Variants in FRRS1L observed in about 807,000 individuals in gnomAD.
FRRS1L encodes ferric chelate reductase 1 like.
A neutral mutation model predicts 28.6 loss-of-function variants in FRRS1L; 22 were observed. The ratio of observed to expected loss-of-function variants is 0.77; its 90% CI spans 0.55 to 1.10. The LOEUF (loss-of-function observed/expected upper bound fraction) is 1.10, where lower values mean the gene tolerates loss of function less well. Among genes scored for constraint, FRRS1L ranks in the 50% least tolerant of loss-of-function variants. The probability of loss-of-function intolerance (pLI) is 0.00; values close to 1 mark genes in which losing one functional copy is unlikely to be tolerated. For synonymous variants in FRRS1L, 158 were observed against 151.4 expected, an observed-to-expected ratio of 1.04 and a Z score of -0.32; for missense variants, 380 against 386.9, an observed-to-expected ratio of 0.98 and a Z score of 0.15.
intron 1 of FRRS1L, 136 bp from the exon 2 acceptor site, chr9:109,149,856 G>A (rs745887447): frequency 1.5e-6 from 1 of 652,708 alleles, no homozygotes; most frequent in Non-Finnish European, 2.7e-6. Flanking sequence ...CTTTGATGAA[G>A]GCTAATCATC....
chr9:109,143,130 C>G (rs144498161), intron 3 of FRRS1L, among the ~76,000 whole-genome samples: 183 of 152,138 alleles, frequency 1.2e-3, no homozygotes, highest in African/African-American at 4.2e-3. Flanking sequence ...GCCTGGCCAA[C>G]ATGGTGAAAC....
chr9:109,148,857 T>C (rs1168978469), intron 2 of FRRS1L, among the ~76,000 whole-genome samples: 1 of 151,266 alleles, frequency 6.6e-6, no homozygotes, highest in African/African-American at 2.4e-5. Flanking sequence ...AAGAACATTT[T>C]TGGCTATTTT....
At chr9:109,160,599 G>C (rs1831469069) in intron 1 of FRRS1L, among the ~76,000 whole-genome samples, 1 of 151,796 alleles carries the variant, frequency 6.6e-6, no homozygotes, top group South Asian at 2.1e-4. Flanking sequence ...TCTTGCCCAA[G>C]CTGATCTCAA....
Position 109,141,408 on chromosome 9 carries a change from T to C in FRRS1L, c.644A>G (p.Asp215Gly). ...RFKRPVNVPR[D>G]ETIVDLHLSW... ...CAAATGCAGATCAACAATTGTTTCA[T>C]CTCTGGGAACATTCACAGGGCGTTT... Residue 215 changes from aspartate (D) to glycine (G), a missense_variant, in exon 4 of 5, where the codon GAT (aspartate) becomes GGT (glycine). Coordinates refer to ENST00000561981, the MANE Select transcript of FRRS1L (RefSeq NM_014334.4). The C allele has an allele frequency of 6.2e-7, 1 of 1,614,114 alleles. No homozygotes were observed. The highest frequency in any genetic ancestry group is 8.5e-7 in the Non-Finnish European group (1 of 1,179,970).
Position 109,131,190 on chromosome 9 carries a change from T to C in FRRS1L, c.*6265A>G, listed in dbSNP as rs1183122113. On this transcript the variant is annotated 3_prime_UTR_variant, in exon 5 of 5. Coordinates refer to ENST00000561981, the MANE Select transcript of FRRS1L (RefSeq NM_014334.4). ...TAATTAAATACAAAACCTGTATAGGTTGCATCAACATGCCAGTTACTCAGC... is the reference window on the plus strand; with the variant it reads ...TAATTAAATACAAAACCTGTATAGGCTGCATCAACATGCCAGTTACTCAGC... 6.6e-6 allele frequency: 1 copy of C among 152,250 alleles called. No homozygotes were observed. The highest frequency in any genetic ancestry group is 2.4e-5 in the African/African-American group (1 of 41,470). The allele number at this position is 152,250 out of a possible 1,614,324, so 9.4% of individuals were successfully genotyped here. A position where few individuals can be genotyped will look rare whatever the true frequency, so the allele number is the denominator to read the frequency against.
chr9:109,137,174 A>G lies in FRRS1L; in HGVS notation c.*281T>C, dbSNP rs79316984. 4,029 of 192,614 alleles carry G rather than the reference A, an allele frequency of 0.021. 170 individuals carry two copies. The highest frequency in any genetic ancestry group is 0.089 in the African/African-American group (3,834 of 43,198). The allele number at this position is 192,614 out of a possible 1,614,324, so 11.9% of individuals were successfully genotyped here. A position where few individuals can be genotyped will look rare whatever the true frequency, so the allele number is the denominator to read the frequency against. On this transcript the variant is annotated 3_prime_UTR_variant, in exon 5 of 5. Coordinates refer to ENST00000561981, the MANE Select transcript of FRRS1L (RefSeq NM_014334.4). Reference sequence around the variant, plus strand: ...TCCCATTCAGGAAGATGGCAATCACAATTTTCATCAATCCAACTCAGAGAT... The same window carrying G: ...TCCCATTCAGGAAGATGGCAATCACGATTTTCATCAATCCAACTCAGAGAT...
intron 2 of FRRS1L, among the ~76,000 whole-genome samples, chr9:109,148,809 A>G (rs1831294276): frequency 6.6e-6 from 1 of 152,182 alleles, no homozygotes; most frequent in African/African-American, 2.4e-5. Context: ...ATATCCCCCA[A>G]TCACCAGGTT....
chr9:109,166,908 C>G lies in FRRS1L; in HGVS notation c.231G>C (p.Ser77=), dbSNP rs746319183. 6.6e-6 allele frequency: 9 copies of G among 1,357,478 alleles called. No homozygotes were observed. The highest frequency in any genetic ancestry group is 1.8e-5 in the South Asian group (1 of 55,728). 84.1% of individuals were successfully genotyped at this position (1,357,478 alleles called of 1,614,324 possible). ...GCCCTCCCGCAGCCTCACCCTCCTC[C>G]GACAGGTAGCGCAGGTCGTAGAACT... ...AGEFYDLRYL[S]EEGYPFPTAP... The change falls in exon 1 of 5, where the codon TCG becomes TCC. Residue 77 remains serine, a synonymous_variant. Coordinates refer to ENST00000561981, the MANE Select transcript of FRRS1L (RefSeq NM_014334.4).
chr9:109,145,254 T>G (rs1240450704), intron 3 of FRRS1L, among the ~76,000 whole-genome samples: 1 of 152,228 alleles, frequency 6.6e-6, no homozygotes. Flanking sequence ...CAGCTGCCTG[T>G]GCACCTGAGG....
intron 1 of FRRS1L, among the ~76,000 whole-genome samples, chr9:109,158,239 T>A (rs966342819): frequency 6.6e-6 from 1 of 152,236 alleles, no homozygotes; most frequent in Admixed American, 6.5e-5. Context: ...AAGTTGCATT[T>A]TTTTTCTAGG....
chr9:109,164,184 C>A (rs565052189), intron 1 of FRRS1L, among the ~76,000 whole-genome samples: 2 of 152,172 alleles, frequency 1.3e-5, no homozygotes, highest in South Asian at 4.2e-4. Flanking sequence ...CTCTGATAGC[C>A]CCACGCCACT....
intron 3 of FRRS1L, among the ~76,000 whole-genome samples, chr9:109,142,217 G>A (rs1831197805): frequency 6.6e-6 from 1 of 152,104 alleles, no homozygotes; most frequent in Non-Finnish European, 1.5e-5. Context: ...AGTATTTAGG[G>A]TTAAAGGATT....
intron 3 of FRRS1L, among the ~76,000 whole-genome samples, chr9:109,146,224 T>TAAAA (rs1554733046): frequency 6.6e-6 from 1 of 151,312 alleles, no homozygotes; most frequent in Admixed American, 6.6e-5. Flanking sequence ...AACAAATAAA[T>TAAAA]TAAATAAATA....
At chr9:109,166,869 T>G in intron 1 of FRRS1L, 32 bp downstream of exon 1, 4 of 193,086 alleles carry the variant, frequency 2.1e-5, no homozygotes, top group Non-Finnish European at 2.3e-5. Flanking sequence ...CGGTCTCCCC[T>G]CCCGCAACCC....
intron 3 of FRRS1L, among the ~76,000 whole-genome samples, chr9:109,146,681 C>T (rs1260595333): frequency 1.3e-5 from 2 of 152,130 alleles, no homozygotes; most frequent in Non-Finnish European, 2.9e-5. Flanking sequence ...AAACCTGAAT[C>T]CAACTCATGG....
chr9:109,145,587 T>G (rs1223181820), intron 3 of FRRS1L, among the ~76,000 whole-genome samples: 1 of 151,846 alleles, frequency 6.6e-6, no homozygotes, highest in Admixed American at 6.5e-5. Flanking sequence ...GGATTACACC[T>G]GTAATCTCAG....
At chr9:109,164,783 C>T (rs1240602719) in intron 1 of FRRS1L, among the ~76,000 whole-genome samples, 5 of 152,268 alleles carry the variant, frequency 3.3e-5, no homozygotes, top group Admixed American at 6.5e-5. Flanking sequence ...ATGGTGGGGG[C>T]GCGAAGCAGA....
intron 1 of FRRS1L, among the ~76,000 whole-genome samples, chr9:109,156,624 CG>C (rs746959423): frequency 6.6e-6 from 1 of 150,496 alleles, no homozygotes; most frequent in Non-Finnish European, 1.5e-5. Flanking sequence ...CCCCTGACCT[CG>C]TGATCCGCCC....
At chr9:109,148,893 T>A (rs929431891) in intron 2 of FRRS1L, among the ~76,000 whole-genome samples, 4 of 67,008 alleles carry the variant, frequency 6.0e-5, no homozygotes, top group Non-Finnish European at 1.4e-4. Context: ...AGTGGCCTTG[T>A]AATCCAAAGA....
Sources: gnomAD v4.1 joint callset for allele counts (sites outside exome capture counted in the v4.1 genomes callset) on GRCh38, gnomAD v4.1.1 for gene constraint, MANE v1.5 for transcripts, NCBI Gene and HGNC (gene_info 2026-07-23, HGNC 2026-07-21) for gene names.